CLMN: variants seen among roughly 807,000 people sequenced by gnomAD.
CLMN encodes calmin (calponin-like, transmembrane).
A neutral mutation model predicts 92.7 loss-of-function variants in CLMN; 57 were observed. The ratio of observed to expected loss-of-function variants is 0.61; its 90% CI spans 0.50 to 0.77. The LOEUF is 0.77. CLMN is among the 30% of genes least tolerant of loss of function. The pLI is 0.00. For missense variants in CLMN, 1,158 were observed against 1,237.5 expected (o/e 0.94, Z 0.96); for synonymous variants, 466 against 470.6 (o/e 0.99, Z 0.13).
In CLMN at chr14:95,188,227, A is replaced by G. The variant is rs1228297813; in HGVS notation, c.*3337T>C. Reference sequence around the variant, plus strand: ...TAGGATCACCATATATTTGAGAAAAATTCACAACGTGAAAGATAGAGACTG... The same window carrying G: ...TAGGATCACCATATATTTGAGAAAAGTTCACAACGTGAAAGATAGAGACTG... On this transcript the variant is annotated 3_prime_UTR_variant, in exon 13 of 13. Coordinates refer to ENST00000298912, the MANE Select transcript of CLMN (RefSeq NM_024734.4). 1 of 152,236 alleles carries G rather than the reference A, an allele frequency of 6.6e-6. No homozygotes were observed. Among genetic ancestry groups the G allele is most frequent in the East Asian group, 1.9e-4 (1 of 5,204 alleles). 9.4% of individuals were successfully genotyped at this position (152,236 alleles called of 1,614,324 possible).
At chr14:95,281,108 A>G (rs747761840) in intron 1 of CLMN, among the ~76,000 whole-genome samples, 1 of 152,246 alleles carries the variant, frequency 6.6e-6, no homozygotes, top group Non-Finnish European at 1.5e-5. Context: ...AATTAACTGC[A>G]TAGACAGAAC....
chr14:95,301,594 C>A (rs1049693616), intron 1 of CLMN, among the ~76,000 whole-genome samples: 2 of 152,288 alleles, frequency 1.3e-5, no homozygotes, highest in Middle Eastern at 3.4e-3. Context: ...TTAATGAGGA[C>A]CCCCTACTCC....
chr14:95,234,377 C>T (rs533296947), intron 1 of CLMN, among the ~76,000 whole-genome samples: 8 of 152,290 alleles, frequency 5.3e-5, no homozygotes, highest in South Asian at 2.1e-4. Context: ...GAGACGCCCA[C>T]CCCCCATCCT....
intron 1 of CLMN, among the ~76,000 whole-genome samples, chr14:95,282,793 G>T (rs908758759): frequency 3.3e-5 from 5 of 152,268 alleles, no homozygotes; most frequent in Non-Finnish European, 5.9e-5. Context: ...GAGTTCTAAA[G>T]CCTCCCTGCT....
chr14:95,244,986 T>TACAC (rs201945657), intron 1 of CLMN, among the ~76,000 whole-genome samples: 12,242 of 114,390 alleles, frequency 0.11, 534 homozygotes, highest in East Asian at 0.13. Context: ...CATATATGTG[T>TACAC]ATACACACAC....
chr14:95,303,780 C>T (rs1901159649), intron 1 of CLMN, among the ~76,000 whole-genome samples: 1 of 152,192 alleles, frequency 6.6e-6, no homozygotes, highest in African/African-American at 2.4e-5. Flanking sequence ...TGTTTGCCAG[C>T]CTCCCATCTG....
rs778858249 is a variant in CLMN at position 95,213,211 on chromosome 14, C to A, written c.608+8G>T. 5.6e-6 allele frequency: 9 copies of A among 1,612,340 alleles called. No homozygotes were observed. The highest frequency in any genetic ancestry group is 1.7e-5 in the Admixed American group (1 of 59,566). ...TGAAGTAGTGTGGGGAGAGGGGCTG[C>A]GGCTTACTTTCTCGTTTTCCTCTGC... is the stretch of plus-strand genomic sequence containing the variant. On this transcript the variant is annotated splice_region_variant and intron_variant, in intron 6 of 12. Coordinates refer to ENST00000298912, the MANE Select transcript of CLMN (RefSeq NM_024734.4).
intron 1 of CLMN, among the ~76,000 whole-genome samples, chr14:95,293,252 C>T (rs1900657662): frequency 1.5e-5 from 1 of 66,312 alleles, no homozygotes; most frequent in African/African-American, 5.0e-5. Flanking sequence ...TTCCTTCCCT[C>T]CCTCCTTCCC....
At chr14:95,285,291 A>G (rs1033958905) in intron 1 of CLMN, among the ~76,000 whole-genome samples, 19 of 152,190 alleles carry the variant, frequency 1.2e-4, no homozygotes. Flanking sequence ...GGACTAATAC[A>G]TGTGGCTTTC....
intron 1 of CLMN, among the ~76,000 whole-genome samples, chr14:95,315,756 A>G (rs1187716301): frequency 6.6e-6 from 1 of 152,234 alleles, no homozygotes; most frequent in African/African-American, 2.4e-5. Context: ...GATGGCCCAA[A>G]GCAGAACTGA....
At chr14:95,272,719 C>T (rs1463267897) in intron 1 of CLMN, among the ~76,000 whole-genome samples, 1 of 152,134 alleles carries the variant, frequency 6.6e-6, no homozygotes, top group Non-Finnish European at 1.5e-5. Flanking sequence ...GGCCCTGGCT[C>T]CTGCCTGCAC....
In CLMN at chr14:95,242,320, G is replaced by A. The variant is rs567470035; in HGVS notation, c.83-12187C>T. Among the ~76,000 whole-genome samples, 32 of 132,778 alleles carry A rather than the reference G, an allele frequency of 2.4e-4. 1 individual carries two copies. In the South Asian group the frequency reaches 6.3e-3, roughly 26 times the overall value. The allele number at this position is 132,778 out of a possible 152,430, so 87.1% of individuals were successfully genotyped here. On this transcript the variant is annotated intron_variant, in intron 1 of 12. Transcript: ENST00000298912. ...GTTGCCCAGGCTGGAGTGCAGTGGC[G>A]CAGTCTCAGCTCACTGCAACCTCCA... is the stretch of plus-strand genomic sequence containing the variant.
chr14:95,283,138 T>C (rs1305864410), intron 1 of CLMN, among the ~76,000 whole-genome samples: 2 of 152,232 alleles, frequency 1.3e-5, no homozygotes, highest in African/African-American at 4.8e-5. Flanking sequence ...TGGGAGGTAA[T>C]TGAGTCACAG....
chr14:95,289,751 T>C, intron 1 of CLMN, among the ~76,000 whole-genome samples: 1 of 152,208 alleles, frequency 6.6e-6, no homozygotes, highest in Admixed American at 6.5e-5. Flanking sequence ...GCTGTTGTCC[T>C]CTCTGTTCCC....
intron 1 of CLMN, among the ~76,000 whole-genome samples, chr14:95,319,213 C>T (rs1901928578): frequency 6.6e-6 from 1 of 152,068 alleles, no homozygotes; most frequent in African/African-American, 2.4e-5. Flanking sequence ...CGATCCGCAC[C>T]CCTGGCCCCG....
intron 9 of CLMN, among the ~76,000 whole-genome samples, chr14:95,198,513 T>A (rs1220304817): frequency 6.6e-6 from 1 of 152,062 alleles, no homozygotes; most frequent in Non-Finnish European, 1.5e-5. Context: ...GGGCTGCACT[T>A]GGGAGCAAAT....
intron 1 of CLMN, among the ~76,000 whole-genome samples, chr14:95,269,827 G>A (rs1006434351): frequency 6.6e-6 from 1 of 152,128 alleles, no homozygotes; most frequent in Non-Finnish European, 1.5e-5. Context: ...GGAGGTAAGG[G>A]GTGTGTGTCC....
rs1264647489 is a variant in CLMN, at chr14:95,185,510, G to A, written c.*6054C>T. 6.6e-6 allele frequency: 1 copy of A among 152,282 alleles called. No homozygotes were observed. The highest frequency in any genetic ancestry group is 1.5e-5 in the Non-Finnish European group (1 of 68,134). The allele number at this position is 152,282 out of a possible 1,614,324, so 9.4% of individuals were successfully genotyped here. On this transcript the variant is annotated 3_prime_UTR_variant, in exon 13 of 13. Transcript: ENST00000298912. ...CTGCTATGTGGTGATGGTTCCAGATGGCAGCTGCTGGCCCAAGACGTTAAA... is the reference window on the plus strand; with the variant it reads ...CTGCTATGTGGTGATGGTTCCAGATAGCAGCTGCTGGCCCAAGACGTTAAA...
intron 1 of CLMN, among the ~76,000 whole-genome samples, chr14:95,265,710 A>T (rs10144305): frequency 0.12 from 18,820 of 152,288 alleles, 1,669 homozygotes; most frequent in African/African-American, 0.24. Context: ...TAGGATCAGA[A>T]GAAACAAGGC....
Sources: gnomAD v4.1 joint callset for allele counts (sites outside exome capture counted in the v4.1 genomes callset) on GRCh38, gnomAD v4.1.1 for gene constraint, MANE v1.5 for transcripts, NCBI Gene and HGNC (gene_info 2026-07-23, HGNC 2026-07-21) for gene names.